Variants in ZAP70 observed in about 807,000 individuals in gnomAD.
ZAP70 encodes the protein tyrosine-protein kinase ZAP-70.
Under a neutral mutation model 65.8 loss-of-function variants are expected in ZAP70, and 27 were observed. The observed-to-expected ratio is 0.41, with a 90% CI of 0.30 to 0.57. ZAP70 has a LOEUF of 0.57. ZAP70 is among the 20% of genes least tolerant of loss of function. ZAP70 has a pLI of 0.28. For synonymous variants in ZAP70, 363 were observed against 360.8 expected (o/e 1.01, Z -0.07); for missense variants, 696 against 870.5 (o/e 0.80, Z 2.52).
chr2:97,732,602 G>T (rs1451561985), intron 4 of ZAP70: 10 of 535,342 alleles, frequency 1.9e-5, no homozygotes, highest in Non-Finnish European at 3.0e-5. Context: ...TGTCCACCGT[G>T]GGGGGTCAGG....
At chr2:97,741,749 C>A (rs1259505176), downstream of ZAP70, among the ~76,000 whole-genome samples, 2 of 152,256 alleles carry the variant, frequency 1.3e-5, no homozygotes, top group East Asian at 1.9e-4. Flanking sequence ...CCTTGACCCC[C>A]ATTCCCTTTA....
chr2:97,735,817 T>A (rs951566667), intron 10 of ZAP70, among the ~76,000 whole-genome samples: 5 of 151,988 alleles, frequency 3.3e-5, no homozygotes, highest in Admixed American at 3.3e-4. Flanking sequence ...ATCCAGACCA[T>A]CCTGGCCAAC....
downstream of ZAP70, among the ~76,000 whole-genome samples, chr2:97,742,310 T>C (rs1286676696): frequency 2.6e-5 from 4 of 152,240 alleles, no homozygotes; most frequent in African/African-American, 7.2e-5. Context: ...AAATATCTTA[T>C]TGTGTAAATT....
intron 9 of ZAP70, 64 bp from the exon 10 acceptor site, chr2:97,735,186 G>C: frequency 6.3e-7 from 1 of 1,577,680 alleles, no homozygotes; most frequent in Non-Finnish European, 8.7e-7. Context: ...GGGTGGGTGG[G>C]GGTGTGGGGC....
Position 97,724,331 on chromosome 2 carries a change from C to G in ZAP70, c.295C>G (p.Arg99Gly). 1 of 1,572,520 alleles carries G rather than the reference C, an allele frequency of 6.4e-7. No individual in the cohort carries two copies. The highest frequency in any genetic ancestry group is 8.6e-7 in the Non-Finnish European group (1 of 1,159,172). ...RDPDGLPCNL[R>G]KPCNRPSGLE... The stretch of plus-strand genomic sequence containing the variant: ...CCCCGACGGGCTGCCCTGCAACCTG[C>G]GCAAGCCGTGCAACCGGCCGTCGGG... The change falls in exon 3 of 14, where the codon CGC (arginine) becomes GGC (glycine). Residue 99 changes from arginine (R) to glycine (G), a missense_variant. Around this residue, in one of 3 missense-constraint regions of ZAP70, gnomAD observed 551 missense variants for 630.0 expected, o/e 0.87. Coordinates refer to ENST00000264972, the MANE Select transcript of ZAP70 (RefSeq NM_001079.4).
rs1677772185 is a variant in ZAP70, at chr2:97,734,671, C to T, written c.1041C>T (p.Gly347=). The T allele has an allele frequency of 6.2e-7, 1 of 1,614,060 alleles. No individual in the cohort carries two copies. The highest frequency in any genetic ancestry group is 1.3e-5 in the African/African-American group (1 of 74,948). The change falls in exon 9 of 14, where the codon GGC becomes GGT. Residue 347 remains glycine, a synonymous_variant. Transcript: ENST00000264972. The stretch of plus-strand genomic sequence containing the variant: ...TAGCTGACATTGAACTTGGCTGCGG[C>T]AACTTTGGCTCAGTGCGCCAGGGCG... ...LLIADIELGC[G]NFGSVRQGVY... is the part of the protein sequence containing the mutation.
the ZAP70 span, among the ~76,000 whole-genome samples, chr2:97,749,193 T>G: frequency 6.6e-6 from 1 of 151,996 alleles, no homozygotes; most frequent in Non-Finnish European, 1.5e-5. Flanking sequence ...GTATTTTTAG[T>G]AGAGACGGGG....
At chr2:97,718,792 C>T (rs1010447324) in intron 2 of ZAP70, among the ~76,000 whole-genome samples, 3 of 152,206 alleles carry the variant, frequency 2.0e-5, no homozygotes. Context: ...GCTTCCTGCC[C>T]CAGAGACCAG....
Position 97,737,111 on chromosome 2 carries a change from T to A in ZAP70, c.1290-362T>A. On this transcript the variant is annotated intron_variant, in intron 10 of 13. Coordinates refer to ENST00000264972, the MANE Select transcript of ZAP70 (RefSeq NM_001079.4). The surrounding 1 kb of genome is among the most constrained non-coding windows in gnomAD (Gnocchi z 5.0). ...TGGGTGTGAGAGAAAGAGGAGCTGC[T>A]GGAGAGGACAGTGGAGGAGCCATAT... Among the ~76,000 whole-genome samples, 1 of 151,802 alleles carries A rather than the reference T, an allele frequency of 6.6e-6. No individual in the cohort carries two copies.
intron 2 of ZAP70, among the ~76,000 whole-genome samples, chr2:97,721,259 T>A (rs1220044668): frequency 6.6e-6 from 1 of 152,258 alleles, no homozygotes; most frequent in African/African-American, 2.4e-5. Flanking sequence ...TGAGTTTGCC[T>A]ACTTGTTAAA....
rs1677682540 is a variant in ZAP70, at chr2:97,733,116, T to C, written c.703-9T>C. On this transcript the variant is annotated splice_polypyrimidine_tract_variant and intron_variant, in intron 5 of 13. Coordinates refer to ENST00000264972, the MANE Select transcript of ZAP70 (RefSeq NM_001079.4). The stretch of plus-strand genomic sequence containing the variant: ...AGGAGCCTCTCTGCTAGCTGCCTGC[T>C]CCCTGCAGCTGGTGGAGTATCTGAA... The C allele has an allele frequency of 3.1e-6, 5 of 1,613,872 alleles. No individual in the cohort carries two copies. In the South Asian group the frequency reaches 5.5e-5, roughly 18 times the overall value.
At chr2:97,739,201 G>T (rs935463134) in intron 13 of ZAP70, among the ~76,000 whole-genome samples, 174 bp from the exon 14 acceptor site, 1 of 150,650 alleles carries the variant, frequency 6.6e-6, no homozygotes, top group Non-Finnish European at 1.5e-5. Context: ...ATTGCCCAAC[G>T]CTCTCACACC....
chr2:97,725,166 G>A lies in ZAP70; in HGVS notation c.477G>A (p.Glu159=). The change falls in exon 4 of 14, where the codon GAG becomes GAA. Residue 159 remains glutamate (E), a synonymous_variant. Transcript: ENST00000264972. The stretch of plus-strand genomic sequence containing the variant: ...AGCTCATTGCTACGACGGCCCACGA[G>A]CGGATGCCCTGGTACCACAGCAGCC... ...VEKLIATTAH[E]RMPWYHSSLT... The A allele has an allele frequency of 6.2e-7, 1 of 1,614,190 alleles. No individual in the cohort carries two copies. The highest frequency in any genetic ancestry group is 8.5e-7 in the Non-Finnish European group (1 of 1,180,034).
At chr2:97,735,056 C>A in intron 9 of ZAP70, 194 bp from the exon 10 acceptor site, 1 of 703,480 alleles carries the variant, frequency 1.4e-6, no homozygotes, top group Non-Finnish European at 2.4e-6. Flanking sequence ...TCCCGGTGAG[C>A]GATCCGGCTG....
rs572701573 is a variant in ZAP70 at position 97,733,212 on chromosome 2, G to A, written c.790G>A (p.Gly264Arg). Residue 264 changes from glycine to arginine, a missense_variant and splice_region_variant, in exon 6 of 14, where the codon GGG (glycine) becomes AGG (arginine). Around this residue, in one of 3 missense-constraint regions of ZAP70, gnomAD observed 551 missense variants for 630.0 expected, o/e 0.87. Coordinates refer to ENST00000264972, the MANE Select transcript of ZAP70 (RefSeq NM_001079.4). ...CAACAGCAGTGCCAGCAACGCCTCA[G>A]GTGACGGCAGCAGGCGGGCGGGCGG... The part of the protein sequence containing the change: ...CPNSSASNAS[G>R]AAAPTLPAHP... 6.2e-7 allele frequency: 1 copy of A among 1,613,138 alleles called. No homozygotes were observed. Among genetic ancestry groups the A allele is most frequent in the African/African-American group, 1.3e-5 (1 of 75,044 alleles).
intron 9 of ZAP70, 96 bp downstream of exon 9, chr2:97,734,808 AC>A: frequency 6.6e-7 from 1 of 1,511,700 alleles, no homozygotes. Context: ...TGTCTGTCTC[AC>A]AGCAGTTTGC....
intron 2 of ZAP70, among the ~76,000 whole-genome samples, chr2:97,719,887 A>G (rs1207909802): frequency 1.3e-5 from 2 of 152,098 alleles, no homozygotes; most frequent in Non-Finnish European, 1.5e-5. Context: ...AGCACCCAGC[A>G]ACCTCTGGTG....
chr2:97,716,071 G>C (rs1484255778), intron 2 of ZAP70, among the ~76,000 whole-genome samples: 1 of 152,166 alleles, frequency 6.6e-6, no homozygotes, highest in African/African-American at 2.4e-5. Context: ...GAGGGGGCAG[G>C]GCTCATGGAA....
chr2:97,750,633 C>T, the ZAP70 span, among the ~76,000 whole-genome samples: 1 of 152,196 alleles, frequency 6.6e-6, no homozygotes, highest in Non-Finnish European at 1.5e-5. Context: ...AAGACAAGGG[C>T]CTAGAGCGCC....
Sources: allele counts gnomAD v4.1 joint callset (sites outside exome capture counted in the v4.1 genomes callset), GRCh38; gene constraint gnomAD v4.1.1; regional missense constraint gnomAD v4.1.1; non-coding constraint Gnocchi (gnomAD v3.1); transcripts MANE v1.5; gene names NCBI Gene and HGNC (gene_info 2026-07-23, HGNC 2026-07-21).